The following LSM11 variants were observed in gnomAD, a reference collection of about 807,000 sequenced individuals.
LSM11 encodes the protein U7 snRNA-associated Sm-like protein LSm11.
Under a neutral mutation model 28.1 loss-of-function variants are expected in LSM11, and 14 were observed. The ratio of observed to expected loss-of-function variants is 0.50; its 90% CI spans 0.33 to 0.78. LSM11 has a LOEUF of 0.78. Among genes scored for constraint, LSM11 ranks in the 30% least tolerant of loss-of-function variants. LSM11 has a pLI of 0.02. For synonymous variants in LSM11, 207 were observed against 214.2 expected (o/e 0.97, Z 0.30); for missense variants, 495 against 510.6 (o/e 0.97, Z 0.30).
At chr5:157,751,911 G>C (rs1029105685) in intron 2 of LSM11, among the ~76,000 whole-genome samples, 1 of 152,170 alleles carries the variant, frequency 6.6e-6, no homozygotes, top group Non-Finnish European at 1.5e-5. Flanking sequence ...AATCTGAAAA[G>C]TCCTTAGTGC....
At chr5:157,750,775 G>A (rs1039732209) in intron 1 of LSM11, among the ~76,000 whole-genome samples, 2 of 152,068 alleles carry the variant, frequency 1.3e-5, no homozygotes, top group African/African-American at 2.4e-5. Flanking sequence ...TAATGTTTGC[G>A]TGCCCGTGTG....
rs1426608263 is a variant in LSM11, at chr5:157,758,479, A to G, written c.*3215A>G. The stretch of plus-strand genomic sequence containing the variant: ...GTCCCAATAATATATGTGCTATTCA[A>G]AAAATGTGATCATTTAGGACATTAT... On this transcript the variant is annotated 3_prime_UTR_variant, in exon 4 of 4. Transcript: ENST00000286307. 6.6e-6 allele frequency: 1 copy of G among 152,222 alleles called. No individual in the cohort carries two copies. Among genetic ancestry groups the G allele is most frequent in the East Asian group, 1.9e-4 (1 of 5,208 alleles). 9.4% of individuals were successfully genotyped at this position (152,222 alleles called of 1,614,324 possible).
At position 157,758,273 on chromosome 5, in the gene LSM11, T is replaced by A. The variant is rs1274488381; in HGVS notation, c.*3009T>A. On this transcript the variant is annotated 3_prime_UTR_variant, in exon 4 of 4. Coordinates refer to ENST00000286307, the MANE Select transcript of LSM11 (RefSeq NM_173491.4). ...GGGTCAGCCACCATGGCTGACTCAT[T>A]TTTTGTATTTTTAGTAGAGAAGGGG... The A allele has an allele frequency of 6.6e-6, 1 of 152,038 alleles. No homozygotes were observed. Among genetic ancestry groups the A allele is most frequent in the Non-Finnish European group, 1.5e-5 (1 of 67,984 alleles). The allele number at this position is 152,038 out of a possible 1,614,324, so 9.4% of individuals were successfully genotyped here. A position where few individuals can be genotyped will look rare whatever the true frequency, so the allele number is the denominator to read the frequency against.
chr5:157,750,883 G>T, intron 1 of LSM11, among the ~76,000 whole-genome samples: 1 of 152,114 alleles, frequency 6.6e-6, no homozygotes, highest in Non-Finnish European at 1.5e-5. Flanking sequence ...CTGGGTTCAA[G>T]CCATTCTCCT....
chr5:157,745,776 T>G lies in LSM11; in HGVS notation c.448+1578T>G, dbSNP rs56811341. 5.8e-3 allele frequency among the ~76,000 whole-genome samples: 887 copies of G among 152,124 alleles called. 11 individuals carry two copies. Among genetic ancestry groups the G allele is most frequent in the African/African-American group, 0.02 (840 of 41,474 alleles). On this transcript the variant is annotated intron_variant, in intron 1 of 3. Transcript: ENST00000286307. Reference sequence around the variant, plus strand: ...GAGAATATGCCCTACATACTGAAAATTTTCACCATGGCACTGCAGACAGTT... The same window carrying G: ...GAGAATATGCCCTACATACTGAAAAGTTTCACCATGGCACTGCAGACAGTT...
intron 1 of LSM11, among the ~76,000 whole-genome samples, chr5:157,745,200 A>C (rs540779743): frequency 6.6e-6 from 1 of 152,356 alleles, no homozygotes; most frequent in African/African-American, 2.4e-5. Context: ...ACAATGACCT[A>C]CTTAGCCATT....
chr5:157,751,284 T>C (rs1044982853), intron 1 of LSM11, 106 bp from the exon 2 acceptor site: 1 of 1,280,794 alleles, frequency 7.8e-7, no homozygotes, highest in Non-Finnish European at 1.1e-6. Context: ...AGATTGTCAC[T>C]CTACCATGGG....
chr5:157,744,181 T>A lies in LSM11; in HGVS notation c.431T>A (p.Val144Glu). ...CGGAGCAGGAAGGCGCCACGCAACG[T>A]GCTCACGCGAATGCCCTGTGAGTCC... is the stretch of plus-strand genomic sequence containing the variant. The part of the protein sequence containing the change: ...PGRSRKAPRN[V>E]LTRMPLHEGS... The change falls in exon 1 of 4, where the codon GTG becomes GAG. Residue 144 changes from valine (V) to glutamate (E), a missense_variant. Val to Glu is a moderately radical substitution (Grantham distance 121). Coordinates refer to ENST00000286307, the MANE Select transcript of LSM11 (RefSeq NM_173491.4). 1 of 1,342,652 alleles carries A rather than the reference T, an allele frequency of 7.4e-7. No individual in the cohort carries two copies. The highest frequency in any genetic ancestry group is 9.6e-7 in the Non-Finnish European group (1 of 1,045,062). The allele number at this position is 1,342,652 out of a possible 1,614,324, so 83.2% of individuals were successfully genotyped here. A position where few individuals can be genotyped will look rare whatever the true frequency, so the allele number is the denominator to read the frequency against.
chr5:157,748,193 A>G (rs990726177), intron 1 of LSM11, among the ~76,000 whole-genome samples: 1 of 152,224 alleles, frequency 6.6e-6, no homozygotes, highest in Non-Finnish European at 1.5e-5. Flanking sequence ...TTGCAGACTC[A>G]TAAGGTGACT....
intron 1 of LSM11, among the ~76,000 whole-genome samples, chr5:157,750,691 C>A (rs1275827564): frequency 6.6e-6 from 1 of 152,136 alleles, no homozygotes; most frequent in Non-Finnish European, 1.5e-5. Flanking sequence ...TTGGAAGACT[C>A]AAGCTGGATA....
rs1322764670 is a variant in LSM11 at position 157,754,989 on chromosome 5, A to G, written c.808A>G (p.Thr270Ala). The change falls in exon 4 of 4, where the codon ACT becomes GCT. Residue 270 changes from threonine to alanine, a missense_variant. Thr to Ala is a moderately conservative substitution (Grantham distance 58). Coordinates refer to ENST00000286307, the MANE Select transcript of LSM11 (RefSeq NM_173491.4). Reference protein sequence around the residue: ...KLASVWGRADTGRGSHKRSRS... With the variant: ...KLASVWGRADAGRGSHKRSRS... ...GGCTTCAGTGTGGGGAAGAGCAGAC[A>G]CTGGCCGGGGCTCACACAAGCGTTC... The G allele has an allele frequency of 6.2e-7, 1 of 1,614,084 alleles. No individual in the cohort carries two copies.
At chr5:157,749,602 A>ACACACC (rs1160019405) in intron 1 of LSM11, among the ~76,000 whole-genome samples, 5 of 140,624 alleles carry the variant, frequency 3.6e-5, no homozygotes, top group South Asian at 2.2e-4. Context: ...ACACACACAC[A>ACACACC]CACACCCACA....
rs989612475 is a variant in LSM11, at chr5:157,757,322, G to C, written c.*2058G>C. 1.3e-5 allele frequency: 2 copies of C among 152,250 alleles called. No individual in the cohort carries two copies. Among genetic ancestry groups the C allele is most frequent in the East Asian group, 1.9e-4 (1 of 5,184 alleles). The allele number at this position is 152,250 out of a possible 1,614,324, so 9.4% of individuals were successfully genotyped here. On this transcript the variant is annotated 3_prime_UTR_variant, in exon 4 of 4. Coordinates refer to ENST00000286307, the MANE Select transcript of LSM11 (RefSeq NM_173491.4). ...TCTCAGAAGAGTATCTTCAGTAAGA[G>C]GAGAGTAACTTTTTTTTTGCTGCTC...
chr5:157,745,335 C>T (rs1761131550), intron 1 of LSM11, among the ~76,000 whole-genome samples: 1 of 152,188 alleles, frequency 6.6e-6, no homozygotes, highest in African/African-American at 2.4e-5. Flanking sequence ...TAAGAGAGAA[C>T]ATCCTGAAAC....
At position 157,743,760 on chromosome 5, in the gene LSM11, C is replaced by A; in HGVS notation, c.10C>A (p.Arg4=). MEE[R]ERGARSAGAG... is the part of the protein sequence containing the mutation. ...TGCGGGCCTTTCAAACATGGAGGAGCGGGAGCGGGGGGCGAGGTCGGCTGG... is the reference window on the plus strand; with the variant it reads ...TGCGGGCCTTTCAAACATGGAGGAGAGGGAGCGGGGGGCGAGGTCGGCTGG... The change falls in exon 1 of 4, where the codon CGG becomes AGG. Residue 4 remains arginine, a synonymous_variant. Coordinates refer to ENST00000286307, the MANE Select transcript of LSM11 (RefSeq NM_173491.4). 2.1e-6 allele frequency: 3 copies of A among 1,399,602 alleles called. No individual in the cohort carries two copies. Among genetic ancestry groups the A allele is most frequent in the Non-Finnish European group, 2.8e-6 (3 of 1,078,966 alleles). 86.7% of individuals were successfully genotyped at this position (1,399,602 alleles called of 1,614,324 possible). A position where few individuals can be genotyped will look rare whatever the true frequency, so the allele number is the denominator to read the frequency against.
In LSM11 at chr5:157,756,874, A is replaced by T. The variant is rs933360140; in HGVS notation, c.*1610A>T. On this transcript the variant is annotated 3_prime_UTR_variant, in exon 4 of 4. Coordinates refer to ENST00000286307, the MANE Select transcript of LSM11 (RefSeq NM_173491.4). ...CAGAAGCAAGGCAGGTGCTACATAA[A>T]AAAGTAATCTCAGCCAGGCACGGTG... 6 of 152,612 alleles carry T rather than the reference A, an allele frequency of 3.9e-5. No homozygotes were observed. The highest frequency in any genetic ancestry group is 8.8e-5 in the Non-Finnish European group (6 of 68,056). The allele number at this position is 152,612 out of a possible 1,614,324, so 9.5% of individuals were successfully genotyped here.
intron 1 of LSM11, among the ~76,000 whole-genome samples, chr5:157,745,726 A>G (rs998411947): frequency 6.6e-6 from 1 of 152,234 alleles, no homozygotes; most frequent in African/African-American, 2.4e-5. Context: ...ATGATTAAGT[A>G]TATATCCCTG....
intron 1 of LSM11, among the ~76,000 whole-genome samples, chr5:157,745,786 G>A (rs570571041): frequency 1.3e-5 from 2 of 152,274 alleles, no homozygotes; most frequent in South Asian, 4.1e-4. Flanking sequence ...TTTTCACCAT[G>A]GCACTGCAGA....
rs1232710241 is a variant in LSM11, at chr5:157,755,840, C to T, written c.*576C>T. 1.3e-5 allele frequency: 5 copies of T among 399,288 alleles called. No individual in the cohort carries two copies. In the East Asian group the frequency reaches 1.4e-4, roughly 11 times the overall value. The allele number at this position is 399,288 out of a possible 1,614,324, so 24.7% of individuals were successfully genotyped here. On this transcript the variant is annotated 3_prime_UTR_variant, in exon 4 of 4. Transcript: ENST00000286307. ...TATGTAGGGGTGAAATTTGGATAGG[C>T]GGTATGCTCAAAGCAGCCAGCAATG...
Sources: gnomAD v4.1 joint callset for allele counts (sites outside exome capture counted in the v4.1 genomes callset) on GRCh38, gnomAD v4.1.1 for gene constraint, MANE v1.5 for transcripts, NCBI Gene and HGNC (gene_info 2026-07-23, HGNC 2026-07-21) for gene names.